Variants in VWA3A observed in about 807,000 individuals in gnomAD.
The protein encoded by VWA3A is von Willebrand factor A domain containing 3A.
Under a neutral mutation model 160.4 loss-of-function variants are expected in VWA3A, and 134 were observed. That is an observed-to-expected ratio of 0.84 (90% CI 0.73 to 0.96). The LOEUF (loss-of-function observed/expected upper bound fraction) is 0.96, where lower values mean the gene tolerates loss of function less well. VWA3A is among the 40% of genes least tolerant of loss of function. The pLI is 0.00. For missense variants in VWA3A, 1,310 were observed against 1,447.9 expected, an observed-to-expected ratio of 0.90 and a Z score of 1.55; for synonymous variants, 476 against 543.4, an observed-to-expected ratio of 0.88 and a Z score of 1.72.
chr16:22,141,897 A>C (rs1290654655), intron 24 of VWA3A, among the ~76,000 whole-genome samples: 1 of 152,218 alleles, frequency 6.6e-6, no homozygotes, highest in African/African-American at 2.4e-5. Context: ...GAATGAGAGA[A>C]GTCAATATTG....
chr16:22,130,201 G>T (rs1443734288), intron 17 of VWA3A, among the ~76,000 whole-genome samples: 1 of 152,148 alleles, frequency 6.6e-6, no homozygotes, highest in African/African-American at 2.4e-5. Context: ...TGCCCCCAGG[G>T]TGGAAGTTTG....
chr16:22,117,179 A>G lies in VWA3A; in HGVS notation c.990+3A>G. 6.3e-7 allele frequency: 1 copy of G among 1,575,550 alleles called. No homozygotes were observed. The highest frequency in any genetic ancestry group is 8.6e-7 in the Non-Finnish European group (1 of 1,160,214). ...ACTGCTACAGCCCAAAGATGGAGGT[A>G]AGCCCTTCTGTCAACACATGGCCCC... On this transcript the variant is annotated splice_donor_region_variant and intron_variant, in intron 11 of 33. Transcript: ENST00000389398.
At chr16:22,140,325 G>C in intron 23 of VWA3A, 81 bp downstream of exon 23, 1 of 1,367,432 alleles carries the variant, frequency 7.3e-7, no homozygotes. Flanking sequence ...ATAGTAACTA[G>C]AGCCACGTGT....
chr16:22,118,761 C>T, intron 11 of VWA3A, 141 bp from the exon 12 acceptor site: 1 of 1,083,654 alleles, frequency 9.2e-7, no homozygotes, highest in East Asian at 2.5e-5. Context: ...CTGTCTGGCA[C>T]ATGGGTCCCA....
chr16:22,137,088 T>G (rs2046057987), intron 21 of VWA3A, among the ~76,000 whole-genome samples: 1 of 151,504 alleles, frequency 6.6e-6, no homozygotes, highest in Non-Finnish European at 1.5e-5. Context: ...AATAAATAAA[T>G]AAATAAATAA....
chr16:22,117,621 C>A (rs1192237843), intron 11 of VWA3A, among the ~76,000 whole-genome samples: 1 of 152,240 alleles, frequency 6.6e-6, no homozygotes, highest in African/African-American at 2.4e-5. Flanking sequence ...CTGTACCGAT[C>A]CATCCATTAC....
chr16:22,153,738 A>ATTTTTT (rs66519465), intron 31 of VWA3A, among the ~76,000 whole-genome samples: 2 of 132,562 alleles, frequency 1.5e-5, no homozygotes, highest in African/African-American at 2.8e-5. Flanking sequence ...ACATGGCATA[A>ATTTTTT]TTTTTTTTTT....
intron 21 of VWA3A, among the ~76,000 whole-genome samples, chr16:22,135,611 A>G (rs1164521621): frequency 6.6e-6 from 1 of 151,984 alleles, no homozygotes; most frequent in Admixed American, 6.6e-5. Context: ...CCTAGAAGCC[A>G]TTGGTTTTAG....
chr16:22,115,065 C>G lies in VWA3A; in HGVS notation c.690-282C>G, dbSNP rs536854313. Among the ~76,000 whole-genome samples the G allele has an allele frequency of 2.4e-4, 36 of 152,184 alleles. No individual in the cohort carries two copies. In the East Asian group the frequency reaches 7.0e-3, roughly 29 times the overall value. ...CAAGTGATCCACCCACCTCGGCCCC[C>G]AAAAGTGCTGGGATTACAGGCATGA... On this transcript the variant is annotated intron_variant, in intron 8 of 33. Coordinates refer to ENST00000389398, the MANE Select transcript of VWA3A (RefSeq NM_173615.5).
rs746427435 is a variant in VWA3A at position 22,110,853 on chromosome 16, G to A, written c.583-35G>A. 7.7e-6 allele frequency: 12 copies of A among 1,567,082 alleles called. No homozygotes were observed. The Admixed American group carries it at 2.3e-4, about 30-fold the overall frequency. ...CAAAGCCAGGCTCCCGATTCCCCTG[G>A]CTGTGGGAGCCAGTGATGTCCTTTT... On this transcript the variant is annotated intron_variant, in intron 7 of 33. Coordinates refer to ENST00000389398, the MANE Select transcript of VWA3A (RefSeq NM_173615.5).
intron 21 of VWA3A, among the ~76,000 whole-genome samples, chr16:22,137,224 C>T (rs78525958): frequency 0.054 from 8,169 of 152,210 alleles, 705 homozygotes; most frequent in African/African-American, 0.18. Context: ...CCAGAGGATG[C>T]TTATTTACAT....
At chr16:22,136,682 C>T (rs906071268) in intron 21 of VWA3A, among the ~76,000 whole-genome samples, 1 of 151,998 alleles carries the variant, frequency 6.6e-6, no homozygotes, top group Non-Finnish European at 1.5e-5. Context: ...AGATCTGTGG[C>T]TCCCCCTGCG....
rs2045786043 is a variant in VWA3A, at chr16:22,123,603, A to G, written c.1438-10A>G. 6.2e-7 allele frequency: 1 copy of G among 1,613,714 alleles called. No individual in the cohort carries two copies. Among genetic ancestry groups the G allele is most frequent in the Admixed American group, 1.7e-5 (1 of 59,992 alleles). On this transcript the variant is annotated splice_polypyrimidine_tract_variant and intron_variant, in intron 15 of 33. Coordinates refer to ENST00000389398, the MANE Select transcript of VWA3A (RefSeq NM_173615.5). ...TGAGCAGCCGCTCACTGTGGCCCACACTTCTGCAGCAACAGCTCAGCAGAG... is the reference window on the plus strand; with the variant it reads ...TGAGCAGCCGCTCACTGTGGCCCACGCTTCTGCAGCAACAGCTCAGCAGAG...
chr16:22,146,107 C>A, intron 26 of VWA3A, 129 bp from the exon 27 acceptor site: 1 of 721,814 alleles, frequency 1.4e-6, no homozygotes, highest in Non-Finnish European at 2.3e-6. Flanking sequence ...CAGGCATGAG[C>A]CACCGTGCCC....
Position 22,149,773 on chromosome 16 carries a change from T to C in VWA3A, c.2985-14T>C. 2 of 1,584,568 alleles carry C rather than the reference T, an allele frequency of 1.3e-6. No homozygotes were observed. The highest frequency in any genetic ancestry group is 1.7e-6 in the Non-Finnish European group (2 of 1,159,216). ...CCTTCTCTGCCCCTCACCTCCTCTT[T>C]TCCTCCTCCCCAGTTTTAACCTGCT... On this transcript the variant is annotated splice_polypyrimidine_tract_variant and intron_variant, in intron 28 of 33. Transcript: ENST00000389398.
chr16:22,150,464 G>T (rs912881087), intron 29 of VWA3A, among the ~76,000 whole-genome samples: 2 of 152,188 alleles, frequency 1.3e-5, no homozygotes, highest in Admixed American at 6.6e-5. Context: ...TAAGTGACTT[G>T]CTTGGGATTA....
chr16:22,113,363 C>CTTTTTTTTTG, intron 8 of VWA3A, among the ~76,000 whole-genome samples: 1 of 46,252 alleles, frequency 2.2e-5, no homozygotes, highest in Non-Finnish European at 4.6e-5. Context: ...GGCTAATTTT[C>CTTTTTTTTTG]TTTTTTTTTT....
At chr16:22,154,835 TC>T in intron 31 of VWA3A, among the ~76,000 whole-genome samples, 1 of 150,152 alleles carries the variant, frequency 6.7e-6, no homozygotes, top group South Asian at 2.1e-4. Context: ...GCGCCTGTAG[TC>T]CCAGCTGCTC....
intron 17 of VWA3A, among the ~76,000 whole-genome samples, chr16:22,128,049 G>A (rs950029366): frequency 6.6e-6 from 1 of 152,160 alleles, no homozygotes; most frequent in African/African-American, 2.4e-5. Flanking sequence ...GCAACAGCAT[G>A]AGCAGAGGTG....
Sources: gnomAD v4.1 joint callset for allele counts (sites outside exome capture counted in the v4.1 genomes callset) on GRCh38, gnomAD v4.1.1 for gene constraint, MANE v1.5 for transcripts, NCBI Gene and HGNC (gene_info 2026-07-23, HGNC 2026-07-21) for gene names.